PEMT: variants seen among roughly 807,000 people sequenced by gnomAD.
PEMT encodes the protein phospholipid methyltransferase.
A neutral mutation model predicts 27.4 loss-of-function variants in PEMT; 23 were observed. That is an observed-to-expected ratio of 0.84 (90% CI 0.60 to 1.19). PEMT has a LOEUF of 1.19. Ranked by LOEUF, PEMT falls within the 50% of genes most tolerant of loss-of-function variation. The pLI is 0.00. For missense variants in PEMT, 307 were observed against 310.1 expected, an observed-to-expected ratio of 0.99 and a Z score of 0.07; for synonymous variants, 137 against 139.1, an observed-to-expected ratio of 0.98 and a Z score of 0.11.
At chr17:17,553,691 C>T (rs530591742) in intron 2 of PEMT, among the ~76,000 whole-genome samples, 9 of 152,258 alleles carry the variant, frequency 5.9e-5, no homozygotes, top group East Asian at 1.9e-4. Flanking sequence ...CAGCCACGTC[C>T]AGCACCTTCA....
chr17:17,551,717 T>C (rs61544091), intron 2 of PEMT, among the ~76,000 whole-genome samples: 2,176 of 152,174 alleles, frequency 0.014, 64 homozygotes, highest in African/African-American at 0.05. Context: ...AGGAGAGTCC[T>C]GAAAAAGTGT....
chr17:17,567,034 C>T (rs1910871749), intron 2 of PEMT, among the ~76,000 whole-genome samples: 1 of 152,228 alleles, frequency 6.6e-6, no homozygotes, highest in Non-Finnish European at 1.5e-5. Context: ...TAGCAGTGTC[C>T]AATAGCCTTC....
chr17:17,511,083 G>T (rs866852109), intron 4 of PEMT, among the ~76,000 whole-genome samples: 74 of 152,274 alleles, frequency 4.9e-4, no homozygotes, highest in African/African-American at 1.6e-3. Context: ...TCAGCCCCTT[G>T]GATGGCCTTC....
At chr17:17,558,732 C>T (rs963809783) in intron 2 of PEMT, among the ~76,000 whole-genome samples, 4 of 151,530 alleles carry the variant, frequency 2.6e-5, no homozygotes, top group African/African-American at 4.9e-5. Flanking sequence ...GGACCGGAGC[C>T]TGGCTTGACA....
chr17:17,550,563 G>A (rs982455404), intron 2 of PEMT, among the ~76,000 whole-genome samples: 5 of 152,128 alleles, frequency 3.3e-5, no homozygotes, highest in African/African-American at 9.7e-5. Context: ...CAGAAGTGTC[G>A]GGCTCAGGCT....
intron 1 of PEMT, among the ~76,000 whole-genome samples, chr17:17,580,734 C>T (rs148928355): frequency 2.0e-5 from 3 of 152,298 alleles, no homozygotes; most frequent in Non-Finnish European, 4.4e-5. Context: ...CTGGCCTCAC[C>T]CTACCCCTCC....
At chr17:17,578,961 TA>T (rs985826810) in intron 1 of PEMT, among the ~76,000 whole-genome samples, 3 of 151,784 alleles carry the variant, frequency 2.0e-5, no homozygotes, top group Admixed American at 6.6e-5. Context: ...AAACAAAAAA[TA>T]AAAAAAATAA....
At chr17:17,530,242 T>C (rs185181967) in intron 2 of PEMT, among the ~76,000 whole-genome samples, 87 of 152,308 alleles carry the variant, frequency 5.7e-4, no homozygotes, top group Non-Finnish European at 1.1e-3. Flanking sequence ...ACACCTGTAA[T>C]CCCAGCACTT....
intron 3 of PEMT, among the ~76,000 whole-genome samples, chr17:17,518,613 C>T (rs924936034): frequency 6.6e-6 from 1 of 152,206 alleles, no homozygotes. Flanking sequence ...CCCTGGGACC[C>T]GCTGGCAGGT....
intron 3 of PEMT, among the ~76,000 whole-genome samples, chr17:17,521,715 C>T (rs1489975762): frequency 1.3e-5 from 2 of 152,150 alleles, no homozygotes; most frequent in African/African-American, 4.8e-5. Context: ...CAGGCGCATG[C>T]ACCACCATGC....
intron 5 of PEMT, chr17:17,508,351 C>G (rs1906068005): frequency 6.1e-6 from 1 of 162,744 alleles, no homozygotes; most frequent in South Asian, 1.5e-4. Flanking sequence ...CTGGGGACTG[C>G]CTGGCCTGGA....
At chr17:17,545,327 G>A (rs914905786) in intron 2 of PEMT, among the ~76,000 whole-genome samples, 2 of 152,232 alleles carry the variant, frequency 1.3e-5, no homozygotes, top group African/African-American at 4.8e-5. Flanking sequence ...TCCAGGGTGT[G>A]CCCGGAGGTC....
chr17:17,551,894 A>C (rs879274122), intron 2 of PEMT, among the ~76,000 whole-genome samples: 278 of 152,264 alleles, frequency 1.8e-3, no homozygotes, highest in Non-Finnish European at 3.5e-3. Flanking sequence ...ATACAAAAAA[A>C]CTTCAGGCAT....
chr17:17,528,486 C>G (rs1661410865), intron 2 of PEMT, among the ~76,000 whole-genome samples: 1 of 152,254 alleles, frequency 6.6e-6, no homozygotes, highest in Admixed American at 6.5e-5. Context: ...GCTCCGAGGC[C>G]TTCTCTCCTC....
At chr17:17,509,999 C>T (rs905812650) in intron 4 of PEMT, among the ~76,000 whole-genome samples, 4 of 152,170 alleles carry the variant, frequency 2.6e-5, no homozygotes, top group African/African-American at 4.8e-5. Flanking sequence ...GTGAGTTCCT[C>T]TCCCTCTAGG....
chr17:17,551,676 C>T (rs1359194759), intron 2 of PEMT, among the ~76,000 whole-genome samples: 1 of 152,212 alleles, frequency 6.6e-6, no homozygotes, highest in East Asian at 1.9e-4. Context: ...AGCAATGTGA[C>T]ACTGGAAGGA....
chr17:17,521,560 C>CT (rs148189476), intron 3 of PEMT, among the ~76,000 whole-genome samples: 3,247 of 149,648 alleles, frequency 0.022, 94 homozygotes, highest in African/African-American at 0.073. Flanking sequence ...AAGAAGCTTT[C>CT]TTTTAAAAAA....
intron 2 of PEMT, among the ~76,000 whole-genome samples, chr17:17,542,920 C>T (rs1321298541): frequency 2.0e-5 from 3 of 152,196 alleles, no homozygotes; most frequent in Non-Finnish European, 4.4e-5. Context: ...TGCACACTGC[C>T]GGGTCTAGAG....
chr17:17,533,586 A>G (rs1234623360), intron 2 of PEMT, among the ~76,000 whole-genome samples: 1 of 152,142 alleles, frequency 6.6e-6, no homozygotes, highest in Non-Finnish European at 1.5e-5. Flanking sequence ...TTATCTGATA[A>G]AGGATTGTAT....
Sources: allele counts gnomAD v4.1 joint callset (sites outside exome capture counted in the v4.1 genomes callset), GRCh38; gene constraint gnomAD v4.1.1; transcripts MANE v1.5; gene names NCBI Gene and HGNC (gene_info 2026-07-23, HGNC 2026-07-21).